The following SLTM variants were observed in gnomAD, a reference collection of about 807,000 sequenced individuals.
SLTM encodes the protein SAFB-like transcription modulator.
Under a neutral mutation model 134.6 loss-of-function variants are expected in SLTM, and 43 were observed. The observed-to-expected ratio is 0.32, with a 90% confidence interval of 0.25 to 0.41. SLTM has a LOEUF of 0.41. SLTM is among the 10% of genes least tolerant of loss of function. The probability of loss-of-function intolerance (pLI) is 1.00; values close to 1 mark genes in which losing one functional copy is unlikely to be tolerated. For synonymous variants in SLTM, 424 were observed against 432.3 expected, an observed-to-expected ratio of 0.98 and a Z score of 0.24; for missense variants, 1,055 against 1,288.8, an observed-to-expected ratio of 0.82 and a Z score of 2.78.
chr15:58,917,714 T>G (rs1567150441), intron 2 of SLTM, among the ~76,000 whole-genome samples: 1 of 152,136 alleles, frequency 6.6e-6, no homozygotes, highest in Non-Finnish European at 1.5e-5. Flanking sequence ...TCTTCAAAAC[T>G]TTGCAACCTG....
chr15:58,885,525 T>C (rs1342357833), intron 19 of SLTM, among the ~76,000 whole-genome samples: 1 of 152,202 alleles, frequency 6.6e-6, no homozygotes, highest in Non-Finnish European at 1.5e-5. Context: ...GTGGGCGTCA[T>C]GGTTCATGCT....
intron 5 of SLTM, among the ~76,000 whole-genome samples, chr15:58,912,256 C>T (rs1477969138): frequency 6.6e-6 from 1 of 151,970 alleles, no homozygotes; most frequent in African/African-American, 2.4e-5. Context: ...CCCGCCACCA[C>T]GCCTAGCTAA....
chr15:58,927,139 C>T (rs1423203833), intron 2 of SLTM, among the ~76,000 whole-genome samples: 1 of 151,724 alleles, frequency 6.6e-6, no homozygotes, highest in Non-Finnish European at 1.5e-5. Context: ...GAGAGAGGCA[C>T]CTTTAAAAAA....
At chr15:58,895,619 G>A (rs1441956058) in intron 9 of SLTM, among the ~76,000 whole-genome samples, 6 of 152,152 alleles carry the variant, frequency 3.9e-5, no homozygotes, top group Non-Finnish European at 8.8e-5. Context: ...TTGCTCCATA[G>A]CCATTTATTT....
chr15:58,899,407 TAG>T lies in SLTM; in HGVS notation c.1058+60_1058+61del. The T allele has an allele frequency of 7.4e-7, 1 of 1,342,844 alleles. No homozygotes were observed. Among genetic ancestry groups the T allele is most frequent in the Non-Finnish European group, 1.1e-6 (1 of 942,296 alleles). The allele number at this position is 1,342,844 out of a possible 1,614,324, so 83.2% of individuals were successfully genotyped here. On this transcript the variant is annotated intron_variant, in intron 7 of 20. Coordinates refer to ENST00000380516, the MANE Select transcript of SLTM (RefSeq NM_024755.4). This position sits in a 1 kb window ranked among gnomAD's most constrained non-coding sequence, Gnocchi z 5.0. ...TGTTCTTGAAGCCACCCCCTTAATG[TAG>T]AGTGATCTTATTGAATGCTGGAATT...
chr15:58,932,248 G>A (rs2037931053), intron 2 of SLTM, 108 bp downstream of exon 2: 1 of 791,886 alleles, frequency 1.3e-6, no homozygotes, highest in Non-Finnish European at 2.2e-6. Flanking sequence ...GACTGCCAGA[G>A]GGAAATAGCA....
chr15:58,887,025 T>C lies in SLTM; in HGVS notation c.2785A>G (p.Ser929Gly). The change falls in exon 19 of 21, where the codon AGC becomes GGC. Residue 929 changes from serine to glycine, a missense_variant. Ser to Gly is a moderately conservative substitution (Grantham distance 56). Coordinates refer to ENST00000380516, the MANE Select transcript of SLTM (RefSeq NM_024755.4). The part of the protein sequence containing the change: ...GNRSSASGYG[S>G]REGDRGVITD... ...ATGACTCCTCTGTCTCCCTCTCTGCTCCCGTACCCCGAAGCGCTGCTACGA... is the reference window on the plus strand; with the variant it reads ...ATGACTCCTCTGTCTCCCTCTCTGCCCCCGTACCCCGAAGCGCTGCTACGA... 6.2e-7 allele frequency: 1 copy of C among 1,613,186 alleles called. No individual in the cohort carries two copies. The highest frequency in any genetic ancestry group is 8.5e-7 in the Non-Finnish European group (1 of 1,180,016).
chr15:58,931,807 A>G (rs150091019), intron 2 of SLTM, among the ~76,000 whole-genome samples: 17 of 152,336 alleles, frequency 1.1e-4, no homozygotes, highest in African/African-American at 4.1e-4. Context: ...AAACTTTTTT[A>G]AGCTAATTAA....
chr15:58,894,653 C>T, intron 9 of SLTM, 71 bp from the exon 10 acceptor site: 1 of 1,387,294 alleles, frequency 7.2e-7, no homozygotes, highest in East Asian at 2.3e-5. Flanking sequence ...ATACATGAAA[C>T]TTCACAACTG....
chr15:58,903,835 A>G (rs1207886072), intron 5 of SLTM, among the ~76,000 whole-genome samples: 1 of 152,234 alleles, frequency 6.6e-6, no homozygotes, highest in Admixed American at 6.5e-5. Flanking sequence ...AAAAAGACGA[A>G]AAAAATGGAA....
intron 14 of SLTM, among the ~76,000 whole-genome samples, chr15:58,892,032 A>G (rs7181329): frequency 6.6e-6 from 1 of 152,198 alleles, no homozygotes; most frequent in Non-Finnish European, 1.5e-5. Flanking sequence ...TACAAGGATT[A>G]CTTCCTTTTA....
intron 15 of SLTM, 131 bp downstream of exon 15, chr15:58,890,150 G>T: frequency 4.1e-6 from 4 of 964,588 alleles, no homozygotes; most frequent in South Asian, 3.3e-5. Context: ...TATCTTTCAG[G>T]GACACTTAAA....
chr15:58,919,751 T>G (rs1045475831), intron 2 of SLTM, among the ~76,000 whole-genome samples: 15 of 152,188 alleles, frequency 9.9e-5, no homozygotes, highest in African/African-American at 1.7e-4. Context: ...TTATTCCTTA[T>G]AATCACAAAC....
intron 16 of SLTM, 61 bp downstream of exon 16, chr15:58,889,369 T>C (rs1053997602): frequency 8.8e-6 from 14 of 1,597,538 alleles, no homozygotes; most frequent in African/African-American, 1.3e-5. Flanking sequence ...AATTCTCTAG[T>C]CTTAGCCTAA....
intron 2 of SLTM, among the ~76,000 whole-genome samples, chr15:58,922,394 A>AAG (rs1367407397): frequency 1.1e-4 from 16 of 146,738 alleles, no homozygotes; most frequent in Non-Finnish European, 3.0e-5. Flanking sequence ...AAAAAAAAAA[A>AAG]AAAAAGCTAT....
intron 4 of SLTM, among the ~76,000 whole-genome samples, chr15:58,912,975 T>C (rs1377753608): frequency 6.6e-6 from 1 of 152,218 alleles, no homozygotes; most frequent in African/African-American, 2.4e-5. Context: ...TGAAATATTA[T>C]CTGCTTTAAA....
intron 2 of SLTM, among the ~76,000 whole-genome samples, chr15:58,920,158 A>G (rs1388820681): frequency 6.6e-6 from 1 of 151,802 alleles, no homozygotes; most frequent in African/African-American, 2.4e-5. Context: ...CTACTAAAAA[A>G]TACAAAAAAG....
chr15:58,918,014 A>G (rs1226622496), intron 2 of SLTM, among the ~76,000 whole-genome samples: 4 of 151,920 alleles, frequency 2.6e-5, no homozygotes, highest in Non-Finnish European at 5.9e-5. Flanking sequence ...TTAGCCTCCC[A>G]AAGTGCTAGG....
chr15:58,890,862 T>G (rs974111147), intron 14 of SLTM, among the ~76,000 whole-genome samples: 17 of 152,270 alleles, frequency 1.1e-4, no homozygotes, highest in African/African-American at 4.1e-4. Context: ...TATTCTATTG[T>G]ATCTCCTTAA....
Sources: gnomAD v4.1 joint callset for allele counts (sites outside exome capture counted in the v4.1 genomes callset) on GRCh38, gnomAD v4.1.1 for gene constraint, Gnocchi (gnomAD v3.1) non-coding constraint, MANE v1.5 for transcripts, NCBI Gene and HGNC (gene_info 2026-07-23, HGNC 2026-07-21) for gene names.